Variants in KCNC2 observed in about 807,000 individuals in gnomAD.
KCNC2 encodes potassium voltage-gated channel subfamily C member 2, also known as voltage-gated potassium channel KCNC2.
KCNC2 carries 21 observed loss-of-function variants against 44.5 expected under a neutral mutation model. The observed-to-expected ratio is 0.47, with a 90% CI of 0.33 to 0.68. KCNC2 has a LOEUF of 0.68. Ranked by LOEUF, KCNC2 falls within the 30% of genes least tolerant of loss-of-function variation. The probability of loss-of-function intolerance (pLI) is 0.01; values close to 1 mark genes in which losing one functional copy is unlikely to be tolerated. For missense variants in KCNC2, 589 were observed against 826.2 expected (o/e 0.71, Z 3.52); for synonymous variants, 391 against 339.1 (o/e 1.15, Z -1.68).
intron 2 of KCNC2, among the ~76,000 whole-genome samples, chr12:75,176,846 A>T (rs1892219334): frequency 6.6e-6 from 1 of 151,928 alleles, no homozygotes; most frequent in Non-Finnish European, 1.5e-5. Context: ...AAAAAACCTC[A>T]AAAAGAGAGC....
intron 2 of KCNC2, among the ~76,000 whole-genome samples, chr12:75,155,104 C>T (rs1308170524): frequency 7.1e-6 from 1 of 141,626 alleles, no homozygotes; most frequent in Non-Finnish European, 1.5e-5. Flanking sequence ...TCAATCTTGT[C>T]TGTCAACCCT....
intron 2 of KCNC2, among the ~76,000 whole-genome samples, chr12:75,178,237 A>C (rs747287974): frequency 6.6e-6 from 1 of 152,024 alleles, no homozygotes; most frequent in Non-Finnish European, 1.5e-5. Flanking sequence ...GTGCTTAGTA[A>C]TACAATTCCA....
intron 2 of KCNC2, among the ~76,000 whole-genome samples, chr12:75,182,527 A>AAAAACAAAAC (rs1892662269): frequency 7.2e-6 from 1 of 139,828 alleles, no homozygotes; most frequent in African/African-American, 2.6e-5. Flanking sequence ...TCTCAAAAAA[A>AAAAACAAAAC]AAAAAAAAAA....
At chr12:75,108,904 G>A (rs1887000827) in intron 2 of KCNC2, among the ~76,000 whole-genome samples, 1 of 152,138 alleles carries the variant, frequency 6.6e-6, no homozygotes, top group Admixed American at 6.5e-5. Flanking sequence ...GTGCTGGAAG[G>A]AAAAGAGGGA....
At chr12:75,136,749 C>T (rs1889259574) in intron 2 of KCNC2, among the ~76,000 whole-genome samples, 1 of 152,052 alleles carries the variant, frequency 6.6e-6, no homozygotes, top group South Asian at 2.1e-4. Flanking sequence ...ACCAGATGTA[C>T]AAAGAAGAAC....
At chr12:75,113,091 C>G (rs1361536967) in intron 2 of KCNC2, among the ~76,000 whole-genome samples, 1 of 152,034 alleles carries the variant, frequency 6.6e-6, no homozygotes, top group Non-Finnish European at 1.5e-5. Flanking sequence ...TAACATAATT[C>G]AGAAGACATC....
At position 75,164,317 on chromosome 12, in the gene KCNC2, C is replaced by A. The variant is rs572533291; in HGVS notation, c.687+42980G>T. 7.9e-5 allele frequency among the ~76,000 whole-genome samples: 12 copies of A among 151,774 alleles called. No individual in the cohort carries two copies. In the South Asian group the frequency reaches 1.9e-3, roughly 24 times the overall value. ...CTAACCTAAAATTGAATTTGATTAA[C>A]TGTGTTTTGTTCACAATAAATCATC... On this transcript the variant is annotated intron_variant, in intron 2 of 4. Transcript: ENST00000549446.
At chr12:75,130,120 A>C (rs1377253244) in intron 2 of KCNC2, among the ~76,000 whole-genome samples, 1 of 152,184 alleles carries the variant, frequency 6.6e-6, no homozygotes, top group Admixed American at 6.5e-5. Flanking sequence ...CCTGTACCCC[A>C]ATCTAAAAAC....
At chr12:75,056,103 A>G (rs1387449154) in intron 2 of KCNC2, among the ~76,000 whole-genome samples, 4 of 152,028 alleles carry the variant, frequency 2.6e-5, no homozygotes, top group Non-Finnish European at 4.4e-5. Flanking sequence ...AGAGACTTAA[A>G]CATTCTATCC....
intron 2 of KCNC2, among the ~76,000 whole-genome samples, chr12:75,052,975 C>T (rs1445796664): frequency 6.6e-6 from 1 of 152,040 alleles, no homozygotes; most frequent in East Asian, 1.9e-4. Flanking sequence ...CATTAGCTTT[C>T]CCAGACGTTT....
intron 2 of KCNC2, among the ~76,000 whole-genome samples, chr12:75,055,134 T>C (rs979167270): frequency 3.9e-5 from 6 of 152,140 alleles, no homozygotes; most frequent in African/African-American, 9.7e-5. Context: ...TGGCATCATA[T>C]TCACTTTTTG....
At chr12:75,059,946 T>A (rs1882141610) in intron 2 of KCNC2, among the ~76,000 whole-genome samples, 1 of 152,142 alleles carries the variant, frequency 6.6e-6, no homozygotes, top group East Asian at 1.9e-4. Flanking sequence ...ACAGCATCAA[T>A]GATAACCCAA....
At chr12:75,082,550 A>C (rs1398904139) in intron 2 of KCNC2, among the ~76,000 whole-genome samples, 1 of 146,012 alleles carries the variant, frequency 6.8e-6, no homozygotes, top group Non-Finnish European at 1.5e-5. Flanking sequence ...TGCCTACAAC[A>C]TTTAATCATG....
At chr12:75,100,503 A>G (rs1253651189) in intron 2 of KCNC2, among the ~76,000 whole-genome samples, 1 of 152,050 alleles carries the variant, frequency 6.6e-6, no homozygotes, top group Non-Finnish European at 1.5e-5. Flanking sequence ...CAAGCCACTT[A>G]TGACATTGAA....
At chr12:75,126,960 C>T (rs912994814) in intron 2 of KCNC2, among the ~76,000 whole-genome samples, 1 of 152,054 alleles carries the variant, frequency 6.6e-6, no homozygotes, top group Non-Finnish European at 1.5e-5. Context: ...GTATAATAAT[C>T]GAAAAGCTTC....
intron 2 of KCNC2, among the ~76,000 whole-genome samples, chr12:75,198,933 C>T (rs1268538586): frequency 6.6e-6 from 1 of 151,580 alleles, no homozygotes; most frequent in Non-Finnish European, 1.5e-5. Context: ...TATTTAGAGT[C>T]AATTAATATT....
At chr12:75,096,972 G>A (rs1005497011) in intron 2 of KCNC2, among the ~76,000 whole-genome samples, 4 of 152,030 alleles carry the variant, frequency 2.6e-5, no homozygotes, top group Admixed American at 6.6e-5. Context: ...AAACTCCATT[G>A]ATAATTGCCA....
At position 75,050,976 on chromosome 12, in the gene KCNC2, C is replaced by A. The variant is rs377231149; in HGVS notation, c.1029G>T (p.Val343=). ...SGLSSKAAKD[V]LGFLRVVRFV... Reference sequence around the variant, plus strand: ...ACCTTACCACCCTGAGGAAGCCAAGCACATCTTTAGCAGCTTTGGATGACA... The same window carrying A: ...ACCTTACCACCCTGAGGAAGCCAAGAACATCTTTAGCAGCTTTGGATGACA... The change falls in exon 3 of 5, where the codon GTG becomes GTT. Residue 343 remains valine, a synonymous_variant. Transcript: ENST00000549446. 3.9e-5 allele frequency: 63 copies of A among 1,613,678 alleles called. 1 individual carries two copies. In the African/African-American group the frequency reaches 5.9e-4, roughly 15 times the overall value.
chr12:75,055,008 T>C (rs1881589256), intron 2 of KCNC2, among the ~76,000 whole-genome samples: 1 of 152,148 alleles, frequency 6.6e-6, no homozygotes, highest in African/African-American at 2.4e-5. Context: ...TGGGTAAATA[T>C]GAGGTTACAT....
Sources: gnomAD v4.1 joint callset for allele counts (sites outside exome capture counted in the v4.1 genomes callset) on GRCh38, gnomAD v4.1.1 for gene constraint, MANE v1.5 for transcripts, NCBI Gene and HGNC (gene_info 2026-07-23, HGNC 2026-07-21) for gene names.